The following SETD7 variants were observed in gnomAD, a reference collection of about 807,000 sequenced individuals.
SETD7 encodes the protein histone-lysine N-methyltransferase SETD7.
A neutral mutation model predicts 41.8 loss-of-function variants in SETD7; 16 were observed. That is an observed-to-expected ratio of 0.38 (90% confidence interval 0.26 to 0.58). The LOEUF is 0.58. Ranked by LOEUF, SETD7 falls within the 20% of genes least tolerant of loss-of-function variation. SETD7 has a pLI of 0.64. For synonymous variants in SETD7, 163 were observed against 169.7 expected, an observed-to-expected ratio of 0.96 and a Z score of 0.31; for missense variants, 346 against 459.7, an observed-to-expected ratio of 0.75 and a Z score of 2.26.
At chr4:139,534,841 A>C (rs771138783) in intron 2 of SETD7, among the ~76,000 whole-genome samples, 17 of 152,212 alleles carry the variant, frequency 1.1e-4, no homozygotes, top group Non-Finnish European at 1.8e-4. Context: ...TGTCTGGTAA[A>C]GTCTTGACTT....
At chr4:139,517,272 C>T (rs1440866115) in intron 7 of SETD7, among the ~76,000 whole-genome samples, 3 of 152,058 alleles carry the variant, frequency 2.0e-5, no homozygotes, top group South Asian at 2.1e-4. Context: ...GTCAGAAGTT[C>T]GAGATTAGCC....
At chr4:139,496,591 G>A (rs952659697) in intron 7 of SETD7, 11 of 643,120 alleles carry the variant, frequency 1.7e-5, no homozygotes, top group Admixed American at 1.1e-4. Context: ...CTCAAGCCAC[G>A]GTGCTGAAAA....
chr4:139,494,765 T>C (rs1209230657), downstream of SETD7, among the ~76,000 whole-genome samples: 1 of 152,272 alleles, frequency 6.6e-6, no homozygotes, highest in Non-Finnish European at 1.5e-5. Flanking sequence ...ATTCTGATTC[T>C]ACAGCATGGA....
At chr4:139,554,722 A>G (rs1251284567) in intron 1 of SETD7, among the ~76,000 whole-genome samples, 1 of 152,268 alleles carries the variant, frequency 6.6e-6, no homozygotes, top group Non-Finnish European at 1.5e-5. Flanking sequence ...AGATGAAGAA[A>G]TAAGTTTTAA....
Position 139,509,813 on chromosome 4 carries a change from C to A in SETD7, c.*1850G>T, listed in dbSNP as rs921018814. Reference sequence around the variant, plus strand: ...TTTAAATCTAAAAACTATTCAGTTCCTTTGGTGGGCAATCTTCCTGGAAGC... The same window carrying A: ...TTTAAATCTAAAAACTATTCAGTTCATTTGGTGGGCAATCTTCCTGGAAGC... On this transcript the variant is annotated 3_prime_UTR_variant, in exon 8 of 8. Coordinates refer to ENST00000274031, the MANE Select transcript of SETD7 (RefSeq NM_030648.4). 2 of 985,366 alleles carry A rather than the reference C, an allele frequency of 2.0e-6. No individual in the cohort carries two copies. Among genetic ancestry groups the A allele is most frequent in the Non-Finnish European group, 1.2e-6 (1 of 830,000 alleles). 61.0% of individuals were successfully genotyped at this position (985,366 alleles called of 1,614,324 possible).
intron 2 of SETD7, among the ~76,000 whole-genome samples, chr4:139,539,227 T>C (rs1329797942): frequency 6.6e-6 from 1 of 152,220 alleles, no homozygotes; most frequent in Non-Finnish European, 1.5e-5. Flanking sequence ...AGCAATACAA[T>C]AACCGAGAGG....
At chr4:139,502,516 G>A (rs541125146), downstream of SETD7, among the ~76,000 whole-genome samples, 8 of 152,312 alleles carry the variant, frequency 5.3e-5, no homozygotes, top group East Asian at 1.5e-3. Flanking sequence ...GCAAGGGGGT[G>A]GGTGTGGGTG....
chr4:139,504,494 G>T (rs901511446), downstream of SETD7, among the ~76,000 whole-genome samples: 1 of 151,844 alleles, frequency 6.6e-6, no homozygotes, highest in Non-Finnish European at 1.5e-5. Context: ...GAGGAGGAAT[G>T]GAATTTCTTC....
chr4:139,496,892 GCA>G (rs1342952333), intron 7 of SETD7, among the ~76,000 whole-genome samples: 3 of 143,152 alleles, frequency 2.1e-5, no homozygotes, highest in South Asian at 4.4e-4. Context: ...ACACACACAT[GCA>G]CACACACAGA....
At position 139,529,078 on chromosome 4, in the gene SETD7, A is replaced by G. The variant is rs1727409105; in HGVS notation, c.515T>C (p.Leu172Pro). The part of the protein sequence containing the change: ...GEMIEGKLAT[L>P]MSTEEGRPHF... ...AGGCCTCCCTTCTTCAGTGGACATAAGGGTAGCCAGTTTGCCTTCTATCAT... is the reference window on the plus strand; with the variant it reads ...AGGCCTCCCTTCTTCAGTGGACATAGGGGTAGCCAGTTTGCCTTCTATCAT... Residue 172 changes from leucine to proline, a missense_variant, in exon 4 of 8, where the codon CTT (leucine) becomes CCT (proline). By Grantham distance (98) the Leu-to-Pro change is moderately conservative (BLOSUM62 -3). Transcript: ENST00000274031. 1 of 1,614,040 alleles carries G rather than the reference A, an allele frequency of 6.2e-7. No homozygotes were observed. The highest frequency in any genetic ancestry group is 8.5e-7 in the Non-Finnish European group (1 of 1,179,978).
intron 7 of SETD7, among the ~76,000 whole-genome samples, chr4:139,516,359 G>A (rs371134797): frequency 1.3e-5 from 2 of 150,632 alleles, no homozygotes; most frequent in Non-Finnish European, 3.0e-5. Flanking sequence ...CCAGCTATTC[G>A]GGAGGCTGAG....
downstream of SETD7, among the ~76,000 whole-genome samples, chr4:139,493,394 G>A (rs1335750398): frequency 5.3e-5 from 8 of 152,222 alleles, no homozygotes; most frequent in Non-Finnish European, 1.2e-4. Flanking sequence ...GGTCTGGCTG[G>A]AGTACAGTGG....
intron 1 of SETD7, among the ~76,000 whole-genome samples, chr4:139,549,870 C>T (rs1053195568): frequency 1.1e-4 from 16 of 152,184 alleles, no homozygotes; most frequent in East Asian, 5.8e-4. Flanking sequence ...CTCCGCCTCC[C>T]GGGTGCAAGC....
intron 2 of SETD7, among the ~76,000 whole-genome samples, chr4:139,540,821 C>T (rs963870952): frequency 2.6e-5 from 4 of 152,096 alleles, no homozygotes; most frequent in Non-Finnish European, 5.9e-5. Flanking sequence ...AAACTTTTGC[C>T]GCATGTGGGA....
chr4:139,502,994 G>A (rs1726614424), downstream of SETD7, among the ~76,000 whole-genome samples: 1 of 151,716 alleles, frequency 6.6e-6, no homozygotes, highest in African/African-American at 2.4e-5. Flanking sequence ...ACCAGACTGG[G>A]CGGTGAAACC....
At chr4:139,527,163 C>G (rs1459836574) in intron 4 of SETD7, among the ~76,000 whole-genome samples, 1 of 152,156 alleles carries the variant, frequency 6.6e-6, no homozygotes, top group Non-Finnish European at 1.5e-5. Flanking sequence ...ACCTGTACAG[C>G]TTGTTACTAT....
intron 7 of SETD7, among the ~76,000 whole-genome samples, chr4:139,516,810 G>A (rs932443289): frequency 6.6e-6 from 1 of 151,760 alleles, no homozygotes; most frequent in African/African-American, 2.4e-5. Flanking sequence ...TACAAAATTC[G>A]GCAACCATCA....
At position 139,511,475 on chromosome 4, in the gene SETD7, G is replaced by C. The variant is rs960582299; in HGVS notation, c.*188C>G. ...TCAGTAGGACGTTGTTGCAAGGCTA[G>C]CTAATTTTAAATCTGGTATGAGTAA... On this transcript the variant is annotated 3_prime_UTR_variant, in exon 8 of 8. Transcript: ENST00000274031. 5.1e-5 allele frequency: 53 copies of C among 1,029,312 alleles called. No individual in the cohort carries two copies. The highest frequency in any genetic ancestry group is 3.2e-4 in the Middle Eastern group (1 of 3,126). The allele number at this position is 1,029,312 out of a possible 1,614,324, so 63.8% of individuals were successfully genotyped here.
At chr4:139,496,237 T>A in exon 8 of SETD7, 1 of 556,542 alleles carries the variant, frequency 1.8e-6, no homozygotes, top group East Asian at 3.0e-5. Flanking sequence ...TAGGTATCTC[T>A]TTTCAGATCT....
Sources: allele counts gnomAD v4.1 joint callset (sites outside exome capture counted in the v4.1 genomes callset), GRCh38; gene constraint gnomAD v4.1.1; transcripts MANE v1.5; gene names NCBI Gene and HGNC (gene_info 2026-07-23, HGNC 2026-07-21).